The following ZNF516 variants were observed in gnomAD, a reference collection of about 807,000 sequenced individuals.
ZNF516 encodes the protein zinc finger protein 516.
Under a neutral mutation model 79.7 loss-of-function variants are expected in ZNF516, and 19 were observed. The ratio of observed to expected loss-of-function variants is 0.24; its 90% CI spans 0.17 to 0.35. The LOEUF (loss-of-function observed/expected upper bound fraction) is 0.35, where lower values mean the gene tolerates loss of function less well. Ranked by LOEUF, ZNF516 falls within the 10% of genes least tolerant of loss-of-function variation. ZNF516 has a pLI of 1.00. For synonymous variants in ZNF516, 877 were observed against 739.5 expected (o/e 1.19, Z -3.02); for missense variants, 1,678 against 1,679.5 (o/e 1.00, Z 0.02).
chr18:76,434,301 CAAT>C (rs1408326634), intron 3 of ZNF516, among the ~76,000 whole-genome samples: 1 of 152,208 alleles, frequency 6.6e-6, no homozygotes, highest in Non-Finnish European at 1.5e-5. Flanking sequence ...GACACAGCAA[CAAT>C]GACATTCACC....
intron 1 of ZNF516, among the ~76,000 whole-genome samples, 176 bp downstream of exon 1, chr18:76,494,968 G>A (rs1281122072): frequency 6.7e-6 from 1 of 149,728 alleles, no homozygotes; most frequent in Non-Finnish European, 1.5e-5. Context: ...GGAAAGCCAA[G>A]TAGCCCTCCC....
intron 5 of ZNF516, 63 bp from the exon 6 acceptor site, chr18:76,370,658 G>A (rs758317107): frequency 7.1e-7 from 1 of 1,416,654 alleles, no homozygotes. Context: ...CACATTAAAT[G>A]AGTCCATTAC....
intron 1 of ZNF516, among the ~76,000 whole-genome samples, chr18:76,491,315 C>T (rs1915185475): frequency 7.8e-6 from 1 of 127,736 alleles, no homozygotes; most frequent in Non-Finnish European, 1.7e-5. Flanking sequence ...CAGCCCCATC[C>T]GCTCGCTCCC....
intron 3 of ZNF516, among the ~76,000 whole-genome samples, chr18:76,418,174 C>T (rs1303253904): frequency 1.3e-5 from 2 of 152,072 alleles, no homozygotes; most frequent in African/African-American, 4.8e-5. Flanking sequence ...CTGTAACACA[C>T]GCTGCAACAC....
chr18:76,490,923 CTT>C (rs1568335096), intron 1 of ZNF516: 2 of 985,498 alleles, frequency 2.0e-6, no homozygotes, highest in African/African-American at 1.7e-5. Flanking sequence ...TCCCCGGCCT[CTT>C]TACCGCGGAG....
At position 76,442,911 on chromosome 18, in the gene ZNF516, C is replaced by T. The variant is rs1487487608; in HGVS notation, c.144G>A (p.Ser48=). The T allele has an allele frequency of 6.2e-7, 1 of 1,613,214 alleles. No homozygotes were observed. Among genetic ancestry groups the T allele is most frequent in the South Asian group, 1.1e-5 (1 of 91,086 alleles). ...TGTGCTTGCGCATGTGCTGCGAAAG[C>T]GAGCTCTGGAAGGGGAAGCTCTTGC... ...ICGKSFPFQS[S]LSQHMRKHTG... The change falls in exon 3 of 7, where the codon TCG becomes TCA. Residue 48 remains serine, a synonymous_variant. Coordinates refer to ENST00000443185, the MANE Select transcript of ZNF516 (RefSeq NM_014643.4).
chr18:76,491,962 A>G (rs929097310), intron 1 of ZNF516, among the ~76,000 whole-genome samples: 3 of 152,062 alleles, frequency 2.0e-5, no homozygotes, highest in African/African-American at 7.2e-5. Context: ...GCGGAGTCGG[A>G]CGCTACCTTG....
chr18:76,399,381 T>C (rs2075188020), intron 3 of ZNF516, among the ~76,000 whole-genome samples: 1 of 152,214 alleles, frequency 6.6e-6, no homozygotes, highest in Non-Finnish European at 1.5e-5. Flanking sequence ...GGCTTTAAAT[T>C]AATAATATAT....
chr18:76,456,752 T>C (rs1217054023), intron 2 of ZNF516, among the ~76,000 whole-genome samples: 12 of 117,594 alleles, frequency 1.0e-4, no homozygotes, highest in South Asian at 2.7e-4. Flanking sequence ...GGCTGGGGGG[T>C]GGGGGGGGGC....
intron 1 of ZNF516, among the ~76,000 whole-genome samples, chr18:76,472,454 T>C (rs1350676761): frequency 6.6e-6 from 1 of 152,252 alleles, no homozygotes; most frequent in Non-Finnish European, 1.5e-5. Flanking sequence ...TATATTCACA[T>C]ATGCATGTAT....
intron 3 of ZNF516, among the ~76,000 whole-genome samples, chr18:76,419,884 T>C (rs188449489): frequency 1.3e-5 from 2 of 152,336 alleles, no homozygotes; most frequent in East Asian, 3.9e-4. Flanking sequence ...AAATACTACT[T>C]GTCTCATAAA....
In ZNF516 at chr18:76,441,707, C is replaced by A; in HGVS notation, c.1348G>T (p.Asp450Tyr). 1 of 1,571,066 alleles carries A rather than the reference C, an allele frequency of 6.4e-7. No homozygotes were observed. The highest frequency in any genetic ancestry group is 8.6e-7 in the Non-Finnish European group (1 of 1,162,058). Residue 450 changes from aspartate to tyrosine, a missense_variant, in exon 3 of 7, where the codon GAC (aspartate) becomes TAC (tyrosine). Asp to Tyr is a radical substitution (Grantham distance 160). Coordinates refer to ENST00000443185, the MANE Select transcript of ZNF516 (RefSeq NM_014643.4). ...DEALAGDVAF[D>Y]KDRREYVLVS... Reference sequence around the variant, plus strand: ...AGGACGTACTCGCGCCTGTCCTTGTCGAAGGCCACGTCCCCGGCCAGCGCC... The same window carrying A: ...AGGACGTACTCGCGCCTGTCCTTGTAGAAGGCCACGTCCCCGGCCAGCGCC...
intron 2 of ZNF516, among the ~76,000 whole-genome samples, chr18:76,453,002 C>T (rs1912510537): frequency 6.6e-6 from 1 of 152,120 alleles, no homozygotes; most frequent in Non-Finnish European, 1.5e-5. Flanking sequence ...AGCCTCGTTC[C>T]CTTTCTTTTG....
At chr18:76,431,314 G>A (rs2075657291) in intron 3 of ZNF516, among the ~76,000 whole-genome samples, 1 of 152,112 alleles carries the variant, frequency 6.6e-6, no homozygotes, top group Non-Finnish European at 1.5e-5. Flanking sequence ...GCATTTAAAA[G>A]AAAGTCTAAA....
At chr18:76,367,470 C>T (rs1289240273) in intron 6 of ZNF516, among the ~76,000 whole-genome samples, 2 of 152,222 alleles carry the variant, frequency 1.3e-5, no homozygotes, top group African/African-American at 4.8e-5. Context: ...AACAAGGAGA[C>T]CTGGTGCTCT....
In ZNF516 at chr18:76,490,291, G is replaced by T. The variant is rs1012555174; in HGVS notation, c.-272+4853C>A. On this transcript the variant is annotated intron_variant, in intron 1 of 6. Transcript: ENST00000443185. ...ACTTCACTCTCCAATTTTACTAAGG[G>T]GGGGCGAGGGGTTCTCAGACCCATG... 3 of 686,454 alleles carry T rather than the reference G, an allele frequency of 4.4e-6. No individual in the cohort carries two copies. In the African/African-American group the frequency reaches 5.9e-5, roughly 13 times the overall value. The allele number at this position is 686,454 out of a possible 1,614,324, so 42.5% of individuals were successfully genotyped here. A position where few individuals can be genotyped will look rare whatever the true frequency, so the allele number is the denominator to read the frequency against.
intron 3 of ZNF516, among the ~76,000 whole-genome samples, chr18:76,415,516 A>G (rs1364397607): frequency 6.6e-6 from 1 of 152,210 alleles, no homozygotes; most frequent in Admixed American, 6.5e-5. Context: ...CAAAGAGGGC[A>G]CAGCCAGCTC....
intron 2 of ZNF516, among the ~76,000 whole-genome samples, chr18:76,447,688 G>T (rs967096208): frequency 6.6e-6 from 1 of 152,186 alleles, no homozygotes; most frequent in African/African-American, 2.4e-5. Context: ...CGGACGGCAG[G>T]GACCCATCTG....
At chr18:76,489,844 T>C (rs1599170293) in intron 1 of ZNF516, among the ~76,000 whole-genome samples, 1 of 152,204 alleles carries the variant, frequency 6.6e-6, no homozygotes, top group South Asian at 2.1e-4. Flanking sequence ...GAAATAAAAA[T>C]AGGCATAACT....
Sources: gnomAD v4.1 joint callset for allele counts (sites outside exome capture counted in the v4.1 genomes callset) on GRCh38, gnomAD v4.1.1 for gene constraint, MANE v1.5 for transcripts, NCBI Gene and HGNC (gene_info 2026-07-23, HGNC 2026-07-21) for gene names.